The following DAP3 variants were observed in gnomAD, a reference collection of about 807,000 sequenced individuals.
The protein encoded by DAP3 is small ribosomal subunit protein mS29.
A neutral mutation model predicts 51.9 loss-of-function variants in DAP3; 28 were observed. The observed-to-expected ratio is 0.54, with a 90% CI of 0.40 to 0.74. The LOEUF (loss-of-function observed/expected upper bound fraction) is 0.74. Among genes scored for constraint, DAP3 ranks in the 30% least tolerant of loss-of-function variants. DAP3 has a pLI of 0.00. For synonymous variants in DAP3, 170 were observed against 170.3 expected, an observed-to-expected ratio of 1.00 and a Z score of 0.01; for missense variants, 458 against 483.5, an observed-to-expected ratio of 0.95 and a Z score of 0.49.
chr1:155,702,674 A>T (rs1655460125), intron 1 of DAP3, among the ~76,000 whole-genome samples: 1 of 152,024 alleles, frequency 6.6e-6, no homozygotes, highest in South Asian at 2.1e-4. Context: ...ATCCATGTTG[A>T]AAATCAGTTG....
At chr1:155,688,059 C>T, upstream of DAP3, 1 of 1,562,170 alleles carries the variant, frequency 6.4e-7, no homozygotes, top group Non-Finnish European at 8.7e-7. Flanking sequence ...CGGCCCAAAT[C>T]GTTCTACTCA....
intron 11 of DAP3, among the ~76,000 whole-genome samples, chr1:155,734,552 C>G (rs1237006384): frequency 6.6e-6 from 1 of 152,128 alleles, no homozygotes; most frequent in East Asian, 1.9e-4. Context: ...TTCCCATGCC[C>G]AGCCCTGGAA....
chr1:155,690,337 A>C (rs1571401270), intron 1 of DAP3, among the ~76,000 whole-genome samples: 1 of 141,102 alleles, frequency 7.1e-6, no homozygotes, highest in Non-Finnish European at 1.5e-5. Context: ...GCATTGCTTG[A>C]GCCTAGGAGT....
intron 2 of DAP3, among the ~76,000 whole-genome samples, chr1:155,711,122 A>G (rs1453398197): frequency 6.6e-6 from 1 of 152,128 alleles, no homozygotes; most frequent in Non-Finnish European, 1.5e-5. Flanking sequence ...ACCCATTATT[A>G]TAAAATGAAA....
At chr1:155,718,664 C>A (rs187055875) in intron 3 of DAP3, among the ~76,000 whole-genome samples, 1 of 142,368 alleles carries the variant, frequency 7.0e-6, no homozygotes, top group African/African-American at 2.7e-5. Context: ...CCAGCCTGGG[C>A]GACAGTGCAA....
intron 1 of DAP3, among the ~76,000 whole-genome samples, chr1:155,700,583 C>T (rs1450184609): frequency 4.7e-5 from 7 of 149,522 alleles, no homozygotes; most frequent in South Asian, 2.1e-4. Flanking sequence ...GTCAGCCCCC[C>T]GCCCGGCCAG....
At chr1:155,730,267 A>G (rs1390354759) in intron 9 of DAP3, among the ~76,000 whole-genome samples, 2 of 130,892 alleles carry the variant, frequency 1.5e-5, no homozygotes, top group African/African-American at 8.9e-5. Flanking sequence ...GCACACATAC[A>G]TATTCGTATA....
chr1:155,709,972 T>C (rs1656493951), intron 2 of DAP3, 148 bp downstream of exon 2: 2 of 630,632 alleles, frequency 3.2e-6, no homozygotes, highest in South Asian at 5.8e-5. Context: ...TGCTTGAGAA[T>C]TTACCATGGA....
Position 155,709,795 on chromosome 1 carries a change from A to G in DAP3, c.16A>G (p.Ile6Val). The change falls in exon 2 of 13, where the codon ATA becomes GTA. Residue 6 changes from isoleucine to valine, a missense_variant. By Grantham distance (29) the Ile-to-Val change is conservative. Coordinates refer to ENST00000368336, the MANE Select transcript of DAP3 (RefSeq NM_004632.4). MMLKG[I>V]TRLISRIHKL... ...CAGTGCAAGGATGATGCTGAAAGGAATAACAAGGCTTATCTCTAGGATCCA... is the reference window on the plus strand; with the variant it reads ...CAGTGCAAGGATGATGCTGAAAGGAGTAACAAGGCTTATCTCTAGGATCCA... 1 of 1,613,434 alleles carries G rather than the reference A, an allele frequency of 6.2e-7. No individual in the cohort carries two copies. Among genetic ancestry groups the G allele is most frequent in the Non-Finnish European group, 8.5e-7 (1 of 1,179,886 alleles).
At chr1:155,733,240 C>T (rs1287575361) in intron 11 of DAP3, among the ~76,000 whole-genome samples, 1 of 152,202 alleles carries the variant, frequency 6.6e-6, no homozygotes, top group Non-Finnish European at 1.5e-5. Flanking sequence ...GCACATTTCT[C>T]CCATTACTGG....
chr1:155,721,895 T>C (rs896089414), intron 4 of DAP3: 2 of 519,804 alleles, frequency 3.8e-6, no homozygotes, highest in South Asian at 3.4e-5. Context: ...TGGCAAAATA[T>C]CATGAAAATA....
chr1:155,712,411 G>A (rs1234467438), intron 2 of DAP3, among the ~76,000 whole-genome samples: 1 of 152,030 alleles, frequency 6.6e-6, no homozygotes, highest in Non-Finnish European at 1.5e-5. Flanking sequence ...TCGGGAGTTC[G>A]AGACCAGCCA....
Position 155,729,112 on chromosome 1 carries a change from T to C in DAP3, c.674T>C (p.Val225Ala), listed in dbSNP as rs1186080468. ...STEKGSPLGE[V>A]VEQGITRVRN... ...GAGAAAGGGAGTCCTCTGGGAGAAG[T>C]GGTTGAACAGGTATAAGAAAAAACA... The change falls in exon 8 of 13, where the codon GTG becomes GCG. Residue 225 changes from valine (V) to alanine (A), a missense_variant. Coordinates refer to ENST00000368336, the MANE Select transcript of DAP3 (RefSeq NM_004632.4). 1 of 1,613,906 alleles carries C rather than the reference T, an allele frequency of 6.2e-7. No homozygotes were observed. The highest frequency in any genetic ancestry group is 8.5e-7 in the Non-Finnish European group (1 of 1,179,994).
At chr1:155,735,361 A>G (rs991755026) in intron 11 of DAP3, among the ~76,000 whole-genome samples, 1 of 152,114 alleles carries the variant, frequency 6.6e-6, no homozygotes, top group Non-Finnish European at 1.5e-5. Context: ...GGATCACCTG[A>G]GGTCAGGAGT....
intron 1 of DAP3, among the ~76,000 whole-genome samples, chr1:155,705,017 T>A (rs776883360): frequency 1.3e-4 from 19 of 151,974 alleles, no homozygotes; most frequent in Non-Finnish European, 2.2e-4. Context: ...TAAGGCCAAG[T>A]GCGATGGCTC....
chr1:155,709,457 G>A (rs900488926), intron 1 of DAP3, among the ~76,000 whole-genome samples: 4 of 151,972 alleles, frequency 2.6e-5, no homozygotes, highest in East Asian at 1.9e-4. Flanking sequence ...ACTGTGTCCC[G>A]CCTGACTTTT....
At position 155,689,176 on chromosome 1, in the gene DAP3, T is replaced by G. The variant is rs1571394168; in HGVS notation, c.-8+2T>G. ...TGGAGAACTAGTCCTCGACTCACGGTGAGGGAATGGACCGACACGGGTATT... is the reference window on the plus strand; with the variant it reads ...TGGAGAACTAGTCCTCGACTCACGGGGAGGGAATGGACCGACACGGGTATT... On this transcript the variant is annotated splice_donor_variant, in intron 1 of 12. Transcript: ENST00000368336. LOFTEE classifies it low-confidence loss of function (5UTR_SPLICE). 1.4e-6 allele frequency: 1 copy of G among 731,644 alleles called. No individual in the cohort carries two copies. The allele number at this position is 731,644 out of a possible 1,614,324, so 45.3% of individuals were successfully genotyped here. A position where few individuals can be genotyped will look rare whatever the true frequency, so the allele number is the denominator to read the frequency against.
chr1:155,717,270 A>AAAGT, intron 3 of DAP3, 142 bp downstream of exon 3: 1 of 1,325,462 alleles, frequency 7.5e-7, no homozygotes. Context: ...AGCACTCTGG[A>AAAGT]ACCCAGATTC....
chr1:155,695,608 TAA>T (rs1423354049), intron 1 of DAP3, among the ~76,000 whole-genome samples: 1 of 152,226 alleles, frequency 6.6e-6, no homozygotes, highest in East Asian at 1.9e-4. Context: ...CAGCTGTTTG[TAA>T]AGAGTTGAAC....
Sources: allele counts gnomAD v4.1 joint callset (sites outside exome capture counted in the v4.1 genomes callset), GRCh38; gene constraint gnomAD v4.1.1; transcripts MANE v1.5; gene names NCBI Gene and HGNC (gene_info 2026-07-23, HGNC 2026-07-21).